The following ZNF704 variants were observed in gnomAD, a reference collection of about 807,000 sequenced individuals.
ZNF704 encodes glucocorticoid induced gene 1.
A neutral mutation model predicts 44.7 loss-of-function variants in ZNF704; 10 were observed. The observed-to-expected ratio is 0.22, with a 90% CI of 0.14 to 0.38. The LOEUF is 0.38. Ranked by LOEUF, ZNF704 falls within the 10% of genes least tolerant of loss-of-function variation. ZNF704 has a pLI of 1.00. For synonymous variants in ZNF704, 211 were observed against 207.6 expected, an observed-to-expected ratio of 1.02 and a Z score of -0.14; for missense variants, 390 against 545.5, an observed-to-expected ratio of 0.71 and a Z score of 2.84.
intron 2 of ZNF704, among the ~76,000 whole-genome samples, chr8:80,818,294 A>G (rs1237266988): frequency 6.6e-6 from 1 of 152,050 alleles, no homozygotes; most frequent in East Asian, 1.9e-4. Context: ...ATGGGCCTAA[A>G]ATGATTATCC....
chr8:80,822,556 A>C (rs1176304102), intron 1 of ZNF704, among the ~76,000 whole-genome samples: 3 of 152,216 alleles, frequency 2.0e-5, no homozygotes, highest in Admixed American at 6.5e-5. Flanking sequence ...CTTTGGGTAT[A>C]TACCCAGTAA....
At chr8:80,841,907 C>T (rs1808686972) in intron 1 of ZNF704, among the ~76,000 whole-genome samples, 1 of 152,146 alleles carries the variant, frequency 6.6e-6, no homozygotes, top group Non-Finnish European at 1.5e-5. Flanking sequence ...CCTGCCTCAA[C>T]CTCTCAAATA....
At chr8:80,745,897 G>A (rs1314283060) in intron 2 of ZNF704, among the ~76,000 whole-genome samples, 2 of 152,146 alleles carry the variant, frequency 1.3e-5, no homozygotes, top group East Asian at 1.9e-4. Flanking sequence ...GAAAGATAAG[G>A]AAAACATCAA....
intron 2 of ZNF704, among the ~76,000 whole-genome samples, chr8:80,795,419 G>T (rs909534653): frequency 6.6e-6 from 1 of 152,170 alleles, no homozygotes; most frequent in African/African-American, 2.4e-5. Context: ...GTAATAAAAT[G>T]AGTGGGTGGT....
chr8:80,761,623 G>C (rs1807132737), intron 2 of ZNF704, among the ~76,000 whole-genome samples: 1 of 152,098 alleles, frequency 6.6e-6, no homozygotes, highest in Admixed American at 6.6e-5. Flanking sequence ...TTTTTGAAAA[G>C]GAGATTTGAG....
chr8:80,781,882 C>G (rs921731051), intron 2 of ZNF704, among the ~76,000 whole-genome samples: 1 of 152,184 alleles, frequency 6.6e-6, no homozygotes, highest in Non-Finnish European at 1.5e-5. Flanking sequence ...TTTAATTCCA[C>G]CGTTTTTCTC....
At chr8:80,809,669 G>T (rs1300058829) in intron 2 of ZNF704, among the ~76,000 whole-genome samples, 1 of 152,134 alleles carries the variant, frequency 6.6e-6, no homozygotes, top group Non-Finnish European at 1.5e-5. Flanking sequence ...AACAAAATAC[G>T]ATAAAATAGC....
chr8:80,861,474 A>C (rs1809060447), intron 1 of ZNF704, among the ~76,000 whole-genome samples: 2 of 152,224 alleles, frequency 1.3e-5, no homozygotes, highest in African/African-American at 4.8e-5. Context: ...GGTATCTTTC[A>C]GGGGTGACAC....
chr8:80,827,583 T>C (rs1235113902), intron 1 of ZNF704, among the ~76,000 whole-genome samples: 27 of 152,170 alleles, frequency 1.8e-4, no homozygotes, highest in Admixed American at 1.6e-3. Flanking sequence ...TTAAAGTTCA[T>C]ATGGAACCAA....
At chr8:80,760,007 C>T (rs1352467801) in intron 2 of ZNF704, among the ~76,000 whole-genome samples, 1 of 151,732 alleles carries the variant, frequency 6.6e-6, no homozygotes, top group East Asian at 1.9e-4. Context: ...TCCTCTTGCC[C>T]CTGCCTCCCA....
intron 1 of ZNF704, among the ~76,000 whole-genome samples, chr8:80,835,757 G>A (rs1454653722): frequency 1.3e-5 from 2 of 152,168 alleles, no homozygotes; most frequent in Non-Finnish European, 2.9e-5. Flanking sequence ...ATCAGTGTGG[G>A]TTAATCTTAT....
chr8:80,655,484 G>A (rs781322126), intron 7 of ZNF704, among the ~76,000 whole-genome samples: 3 of 152,112 alleles, frequency 2.0e-5, no homozygotes, highest in Non-Finnish European at 2.9e-5. Flanking sequence ...GGGAGGAGCC[G>A]CTTTCTCTGA....
chr8:80,772,693 G>A (rs1160468224), intron 2 of ZNF704, among the ~76,000 whole-genome samples: 1 of 152,154 alleles, frequency 6.6e-6, no homozygotes, highest in Non-Finnish European at 1.5e-5. Context: ...TGGGGACACA[G>A]AGCCAAATCC....
At chr8:80,695,322 G>C (rs1006589382) in intron 2 of ZNF704, among the ~76,000 whole-genome samples, 1 of 152,210 alleles carries the variant, frequency 6.6e-6, no homozygotes, top group Non-Finnish European at 1.5e-5. Flanking sequence ...GCACACCTGA[G>C]CTGGCTGCTG....
intron 2 of ZNF704, among the ~76,000 whole-genome samples, chr8:80,783,778 T>G (rs1807569462): frequency 6.6e-6 from 1 of 152,098 alleles, no homozygotes; most frequent in Non-Finnish European, 1.5e-5. Flanking sequence ...TAGGGGTCAC[T>G]CTTGGTATTG....
chr8:80,778,411 G>C (rs781415936), intron 2 of ZNF704, among the ~76,000 whole-genome samples: 5 of 152,160 alleles, frequency 3.3e-5, no homozygotes, highest in Non-Finnish European at 7.4e-5. Context: ...GTTGGTGAGA[G>C]TGTAAATTAG....
chr8:80,851,101 C>A (rs1043864714), intron 1 of ZNF704, among the ~76,000 whole-genome samples: 1 of 152,138 alleles, frequency 6.6e-6, no homozygotes, highest in African/African-American at 2.4e-5. Context: ...CTTGTACGCA[C>A]GTTACTGCTT....
chr8:80,859,097 T>G (rs1809015199), intron 1 of ZNF704, among the ~76,000 whole-genome samples: 1 of 152,252 alleles, frequency 6.6e-6, no homozygotes, highest in African/African-American at 2.4e-5. Flanking sequence ...CTTGACTCTT[T>G]GGGCTTTTGC....
chr8:80,720,226 G>A (rs1819142943), intron 2 of ZNF704, among the ~76,000 whole-genome samples: 1 of 152,174 alleles, frequency 6.6e-6, no homozygotes, highest in African/African-American at 2.4e-5. Context: ...CTTGTACGGA[G>A]ATTTATATCT....
Sources: allele counts gnomAD v4.1 joint callset (sites outside exome capture counted in the v4.1 genomes callset), GRCh38; gene constraint gnomAD v4.1.1; transcripts MANE v1.5; gene names NCBI Gene and HGNC (gene_info 2026-07-23, HGNC 2026-07-21).